PDCD10: variants seen among roughly 807,000 people sequenced by gnomAD.
The protein encoded by PDCD10 is programmed cell death protein 10.
In PDCD10, 4 loss-of-function variants were observed where a neutral mutation model predicts 29.2. That is an observed-to-expected ratio of 0.14 (90% CI 0.07 to 0.31). The LOEUF is 0.31. Ranked by LOEUF, PDCD10 falls within the 10% of genes least tolerant of loss-of-function variation. PDCD10 has a pLI of 1.00. For synonymous variants in PDCD10, 70 were observed against 82.2 expected (o/e 0.85, Z 0.80); for missense variants, 183 against 257.9 (o/e 0.71, Z 1.99).
At chr3:167,701,454 A>G (rs575774465) in intron 4 of PDCD10, among the ~76,000 whole-genome samples, 3 of 152,290 alleles carry the variant, frequency 2.0e-5, no homozygotes, top group East Asian at 3.9e-4. Context: ...TCAGCCTCCC[A>G]AAGTGCTAGG....
At chr3:167,724,566 T>A (rs917706866) in intron 2 of PDCD10, among the ~76,000 whole-genome samples, 4 of 152,200 alleles carry the variant, frequency 2.6e-5, no homozygotes, top group Admixed American at 1.3e-4. Flanking sequence ...AGCGGGCACA[T>A]AACAGACACT....
At chr3:167,732,730 CAG>C (rs893502617) in intron 2 of PDCD10, among the ~76,000 whole-genome samples, 3 of 152,208 alleles carry the variant, frequency 2.0e-5, no homozygotes, top group African/African-American at 7.2e-5. Flanking sequence ...TCCATAATGA[CAG>C]AGTTACATGC....
chr3:167,732,597 T>C (rs1244443834), intron 2 of PDCD10, among the ~76,000 whole-genome samples: 2 of 152,118 alleles, frequency 1.3e-5, no homozygotes, highest in Non-Finnish European at 2.9e-5. Flanking sequence ...ATATCAAAAC[T>C]ATAATTGGCC....
intron 8 of PDCD10, 83 bp from the exon 9 acceptor site, chr3:167,684,472 G>C (rs1347259203): frequency 1.4e-6 from 1 of 737,708 alleles, no homozygotes; most frequent in Non-Finnish European, 2.4e-6. Flanking sequence ...AGTAGCAATG[G>C]AATCAATTTT....
intron 6 of PDCD10, among the ~76,000 whole-genome samples, chr3:167,694,082 T>C (rs1262533631): frequency 6.6e-6 from 1 of 152,106 alleles, no homozygotes; most frequent in Non-Finnish European, 1.5e-5. Context: ...AGTCAAGGCT[T>C]CCCATAATTC....
At chr3:167,694,911 T>C (rs1028661761) in intron 6 of PDCD10, among the ~76,000 whole-genome samples, 3 of 152,254 alleles carry the variant, frequency 2.0e-5, no homozygotes, top group Admixed American at 6.5e-5. Context: ...ATAGTGACAC[T>C]GCAAGTATTC....
rs1198898884 is a variant in PDCD10, at chr3:167,704,556, G to GA, written c.150+285dup. 23,356 of 196,980 alleles carry GA rather than the reference G, an allele frequency of 0.12. 557 individuals are homozygous for GA. The highest frequency in any genetic ancestry group is 0.2 in the African/African-American group (7,031 of 34,998). 12.2% of individuals were successfully genotyped at this position (196,980 alleles called of 1,614,324 possible). On this transcript the variant is annotated intron_variant, in intron 4 of 8. Transcript: ENST00000392750. ...TAAGTTTTCAAAAGGTCAAATAATA[G>GA]AAAAAAAAAAAAACCCTCAAAAATA...
chr3:167,716,906 C>A, intron 3 of PDCD10, among the ~76,000 whole-genome samples: 1 of 151,848 alleles, frequency 6.6e-6, no homozygotes, highest in East Asian at 1.9e-4. Context: ...AAAACACAAG[C>A]CTTATTTTTT....
At chr3:167,722,170 A>G (rs1420746666) in intron 2 of PDCD10, among the ~76,000 whole-genome samples, 1 of 152,180 alleles carries the variant, frequency 6.6e-6, no homozygotes, top group African/African-American at 2.4e-5. Flanking sequence ...GCATGGTATC[A>G]TCAATGAAAA....
In PDCD10 at chr3:167,720,203, A is replaced by T; in HGVS notation, c.-46T>A. On this transcript the variant is annotated 5_prime_UTR_variant, in exon 3 of 9. Coordinates refer to ENST00000392750, the MANE Select transcript of PDCD10 (RefSeq NM_007217.4). ...AAAAAGCAGTGCTAAAATGCAGAGG[A>T]ATCTTCATTCACTGCAATATTTCTT... The T allele has an allele frequency of 1.6e-6, 2 of 1,231,652 alleles. No homozygotes were observed. The highest frequency in any genetic ancestry group is 2.4e-5 in the South Asian group (2 of 83,292). The allele number at this position is 1,231,652 out of a possible 1,614,324, so 76.3% of individuals were successfully genotyped here.
In PDCD10 at chr3:167,734,763, G is replaced by C. The variant is rs1229903030; in HGVS notation, c.-355C>G. ...GCGTGACCCTAGACCTCTTCTGCTC[G>C]GTGCAGAGCTACGGGGACTGGGACA... is the stretch of plus-strand genomic sequence containing the variant. On this transcript the variant is annotated 5_prime_UTR_variant, in exon 1 of 9. Coordinates refer to ENST00000392750, the MANE Select transcript of PDCD10 (RefSeq NM_007217.4). 6.5e-6 allele frequency: 1 copy of C among 152,956 alleles called. No individual in the cohort carries two copies. The highest frequency in any genetic ancestry group is 1.5e-5 in the Non-Finnish European group (1 of 68,290). 9.5% of individuals were successfully genotyped at this position (152,956 alleles called of 1,614,324 possible). A position where few individuals can be genotyped will look rare whatever the true frequency, so the allele number is the denominator to read the frequency against.
chr3:167,723,109 C>T (rs977911969), intron 2 of PDCD10, among the ~76,000 whole-genome samples: 1 of 152,218 alleles, frequency 6.6e-6, no homozygotes, highest in African/African-American at 2.4e-5. Flanking sequence ...CACTCAGTTT[C>T]AGTAGCATTT....
intron 1 of PDCD10, 35 bp downstream of exon 1, chr3:167,734,627 G>A (rs540348406): frequency 1.2e-4 from 18 of 152,402 alleles, no homozygotes; most frequent in Admixed American, 1.2e-3. Context: ...TTACAAACCC[G>A]CTTTACGCCA....
In PDCD10 at chr3:167,683,332, A is replaced by G. The variant is rs1719262730; in HGVS notation, c.*976T>C. ...TTTCCCTTTATTTTATAATTGAAAA[A>G]TGAAACCACTTAACATGAACACTTG... On this transcript the variant is annotated 3_prime_UTR_variant, in exon 9 of 9. Coordinates refer to ENST00000392750, the MANE Select transcript of PDCD10 (RefSeq NM_007217.4). 1 of 152,078 alleles carries G rather than the reference A, an allele frequency of 6.6e-6. No homozygotes were observed. The allele number at this position is 152,078 out of a possible 1,614,324, so 9.4% of individuals were successfully genotyped here.
chr3:167,731,723 G>A (rs1724836208), intron 2 of PDCD10, among the ~76,000 whole-genome samples: 1 of 152,176 alleles, frequency 6.6e-6, no homozygotes, highest in South Asian at 2.1e-4. Context: ...TGAGGAGACA[G>A]TATTTGTCAA....
chr3:167,713,946 G>A (rs1722764315), intron 3 of PDCD10, among the ~76,000 whole-genome samples: 2 of 151,954 alleles, frequency 1.3e-5, no homozygotes, highest in Admixed American at 1.3e-4. Context: ...AGGATTCAAT[G>A]GCTTCACTGC....
At chr3:167,724,805 T>C (rs1723924804) in intron 2 of PDCD10, among the ~76,000 whole-genome samples, 1 of 152,212 alleles carries the variant, frequency 6.6e-6, no homozygotes, top group Admixed American at 6.5e-5. Flanking sequence ...CAAAGTAATC[T>C]AATAGGAATT....
chr3:167,732,103 G>A (rs1470061657), intron 2 of PDCD10, among the ~76,000 whole-genome samples: 1 of 152,174 alleles, frequency 6.6e-6, no homozygotes, highest in East Asian at 1.9e-4. Context: ...GAATATTTAA[G>A]TCACGTTAAG....
chr3:167,720,304 TA>T (rs1172767778), intron 2 of PDCD10, 31 bp from the exon 3 acceptor site: 5 of 643,098 alleles, frequency 7.8e-6, no homozygotes, highest in Non-Finnish European at 1.4e-5. Flanking sequence ...AACAGAGACT[TA>T]CTATATTAAG....
Sources: gnomAD v4.1 joint callset for allele counts (sites outside exome capture counted in the v4.1 genomes callset) on GRCh38, gnomAD v4.1.1 for gene constraint, MANE v1.5 for transcripts, NCBI Gene and HGNC (gene_info 2026-07-23, HGNC 2026-07-21) for gene names.